The following TMX4 variants were observed in gnomAD, a reference collection of about 807,000 sequenced individuals.
The protein encoded by TMX4 is thioredoxin related transmembrane protein 4, also known as thioredoxin-related transmembrane protein 4.
In TMX4, 23 loss-of-function variants were observed where a neutral mutation model predicts 33.3. The ratio of observed to expected loss-of-function variants is 0.69; its 90% CI spans 0.50 to 0.98. TMX4 has a LOEUF of 0.98. Among genes scored for constraint, TMX4 ranks in the 50% least tolerant of loss-of-function variants. The probability of loss-of-function intolerance (pLI) is 0.00; values close to 1 mark genes in which losing one functional copy is unlikely to be tolerated. For missense variants in TMX4, 399 were observed against 448.9 expected (o/e 0.89, Z 1.01); for synonymous variants, 164 against 161.5 (o/e 1.02, Z -0.12).
intron 1 of TMX4, among the ~76,000 whole-genome samples, chr20:8,012,039 T>A (rs982184149): frequency 6.6e-6 from 1 of 152,138 alleles, no homozygotes; most frequent in African/African-American, 2.4e-5. Context: ...GAAAATAAGT[T>A]ATTTTCTATG....
intron 1 of TMX4, among the ~76,000 whole-genome samples, chr20:8,017,644 T>C (rs1248890098): frequency 1.3e-5 from 2 of 152,160 alleles, no homozygotes; most frequent in African/African-American, 2.4e-5. Flanking sequence ...TACATACATA[T>C]GCAAACTCAG....
chr20:8,018,507 A>T lies in TMX4; in HGVS notation c.176+931T>A. Among the ~76,000 whole-genome samples, 4 of 51,304 alleles carry T rather than the reference A, an allele frequency of 7.8e-5. 1 individual carries two copies. The African/African-American group carries it at 9.1e-4, about 12-fold the overall frequency. The allele number at this position is 51,304 out of a possible 152,430, so 33.7% of individuals were successfully genotyped here. A position where few individuals can be genotyped will look rare whatever the true frequency, so the allele number is the denominator to read the frequency against. On this transcript the variant is annotated intron_variant, in intron 1 of 7. Transcript: ENST00000246024. The stretch of plus-strand genomic sequence containing the variant: ...GAGAGAGAGAGAGAGAGAGAGAGAG[A>T]GAGAGAGAGAGAGAGAGAGAGTCTG...
At chr20:7,997,619 A>T (rs936920513) in intron 4 of TMX4, among the ~76,000 whole-genome samples, 1 of 152,190 alleles carries the variant, frequency 6.6e-6, no homozygotes, top group African/African-American at 2.4e-5. Flanking sequence ...AACTAAAATT[A>T]GTTTATACAC....
chr20:8,004,253 T>G (rs2050718648), intron 2 of TMX4, among the ~76,000 whole-genome samples: 1 of 152,156 alleles, frequency 6.6e-6, no homozygotes, highest in African/African-American at 2.4e-5. Flanking sequence ...AAATTTTCAT[T>G]ACCTGAAAAT....
intron 5 of TMX4, among the ~76,000 whole-genome samples, chr20:7,990,795 C>T (rs1245352980): frequency 6.6e-6 from 1 of 152,176 alleles, no homozygotes; most frequent in Non-Finnish European, 1.5e-5. Flanking sequence ...AATATCTTCC[C>T]TGCAAGGAAA....
intron 1 of TMX4, among the ~76,000 whole-genome samples, chr20:8,011,976 T>TTGC (rs1210526535): frequency 2.0e-5 from 3 of 152,156 alleles, no homozygotes; most frequent in African/African-American, 7.2e-5. Flanking sequence ...CAATAAATGT[T>TTGC]TGCTGAATAA....
chr20:7,989,022 G>GAAA (rs796396431), intron 5 of TMX4, among the ~76,000 whole-genome samples: 3 of 97,690 alleles, frequency 3.1e-5, no homozygotes, highest in African/African-American at 1.1e-4. Flanking sequence ...TCCGTCTCAA[G>GAAA]AAAAAAAAAA....
chr20:8,012,555 GA>G (rs2122880873), intron 1 of TMX4, among the ~76,000 whole-genome samples: 1 of 152,178 alleles, frequency 6.6e-6, no homozygotes, highest in East Asian at 1.9e-4. Flanking sequence ...TTCAGAGGGA[GA>G]AAGAAGTTAT....
In TMX4 at chr20:7,981,342, A is replaced by G. The variant is rs2050605008; in HGVS notation, c.*909T>C. 1 of 152,232 alleles carries G rather than the reference A, an allele frequency of 6.6e-6. No individual in the cohort carries two copies. The highest frequency in any genetic ancestry group is 2.4e-5 in the African/African-American group (1 of 41,472). The allele number at this position is 152,232 out of a possible 1,614,324, so 9.4% of individuals were successfully genotyped here. On this transcript the variant is annotated 3_prime_UTR_variant, in exon 8 of 8. Coordinates refer to ENST00000246024, the MANE Select transcript of TMX4 (RefSeq NM_021156.4). ...CTTCACAAGACTACCTTGTACTGGC[A>G]AGACTTAGAGGACTTCTGGCTTGAA... is the stretch of plus-strand genomic sequence containing the variant.
chr20:7,992,185 A>G lies in TMX4; in HGVS notation c.513+3841T>C, dbSNP rs113825246. Among the ~76,000 whole-genome samples the G allele has an allele frequency of 8.2e-3, 1,254 of 152,338 alleles. 15 individuals are homozygous for G. Among genetic ancestry groups the G allele is most frequent in the African/African-American group, 0.027 (1,140 of 41,570 alleles). The stretch of plus-strand genomic sequence containing the variant: ...AAATTGGATATTGCTACTATAATAT[A>G]AAATCAAAATCAATTTTGTCCTTTG... On this transcript the variant is annotated intron_variant, in intron 5 of 7. Transcript: ENST00000246024.
At chr20:8,001,820 C>A (rs2050708814) in intron 2 of TMX4, among the ~76,000 whole-genome samples, 1 of 152,136 alleles carries the variant, frequency 6.6e-6, no homozygotes, top group Admixed American at 6.6e-5. Flanking sequence ...TACCGACTTA[C>A]CCATTTATTA....
At chr20:8,004,767 ATTG>A (rs1198108333) in intron 2 of TMX4, among the ~76,000 whole-genome samples, 1 of 152,222 alleles carries the variant, frequency 6.6e-6, no homozygotes, top group Non-Finnish European at 1.5e-5. Context: ...TCTATTAGCC[ATTG>A]TTGTACTATT....
chr20:7,996,092 A>G (rs368960922), intron 4 of TMX4, 21 bp from the exon 5 acceptor site: 175 of 1,602,890 alleles, frequency 1.1e-4, no homozygotes, highest in Non-Finnish European at 2.2e-5. Flanking sequence ...AATAAAGAGA[A>G]GAAACAGTGA....
At position 7,982,574 on chromosome 20, in the gene TMX4, C is replaced by T. The variant is rs778922788; in HGVS notation, c.727G>A (p.Asp243Asn). ...EEAHRAEQLQDAEEEKDDSNE... is the reference protein window; with the variant it reads ...EEAHRAEQLQNAEEEKDDSNE... Reference sequence around the variant, plus strand: ...GAATCATCTTTTTCCTCCTCCGCATCCTGCAACTGTTCAGCTCTATGAGCC... The same window carrying T: ...GAATCATCTTTTTCCTCCTCCGCATTCTGCAACTGTTCAGCTCTATGAGCC... The change falls in exon 8 of 8, where the codon GAT becomes AAT. Residue 243 changes from aspartate to asparagine, a missense_variant. By Grantham distance (23) the Asp-to-Asn change is conservative. Coordinates refer to ENST00000246024, the MANE Select transcript of TMX4 (RefSeq NM_021156.4). The T allele has an allele frequency of 8.0e-5, 129 of 1,613,594 alleles. No individual in the cohort carries two copies. Among genetic ancestry groups the T allele is most frequent in the Non-Finnish European group, 9.7e-5 (114 of 1,179,992 alleles).
chr20:7,983,973 G>T, intron 6 of TMX4, 116 bp from the exon 7 acceptor site: 1 of 663,660 alleles, frequency 1.5e-6, no homozygotes, highest in Non-Finnish European at 2.6e-6. Context: ...TTAGCAGCTA[G>T]TCAAAAGTCT....
intron 4 of TMX4, among the ~76,000 whole-genome samples, chr20:7,997,519 A>C (rs2050681618): frequency 1.3e-5 from 2 of 152,076 alleles, no homozygotes; most frequent in Admixed American, 6.6e-5. Context: ...AAAAAAAAAA[A>C]ACAACTTTCT....
chr20:7,982,251 CT>C lies in TMX4; in HGVS notation c.1049del (p.Ter350=). ...TATTCTTGAAAACGCATCATTAAAT[CT>C]ACAGTCCCTTGTCAGCATGCTGACT... ...RKSQHADKGL[*>X] On this transcript the variant is annotated frameshift_variant and stop_lost, in exon 8 of 8. Transcript: ENST00000246024. LOFTEE classifies it high-confidence loss of function. 1 of 1,612,050 alleles carries C rather than the reference CT, an allele frequency of 6.2e-7. No homozygotes were observed. The highest frequency in any genetic ancestry group is 1.3e-5 in the African/African-American group (1 of 75,012).
intron 5 of TMX4, among the ~76,000 whole-genome samples, chr20:7,995,378 C>G (rs2122862466): frequency 6.6e-6 from 1 of 152,334 alleles, no homozygotes; most frequent in Non-Finnish European, 1.5e-5. Context: ...ACATACTCAA[C>G]ATTATATAAT....
At chr20:8,011,891 G>A (rs187515582) in intron 1 of TMX4, among the ~76,000 whole-genome samples, 11 of 152,204 alleles carry the variant, frequency 7.2e-5, no homozygotes, top group African/African-American at 2.6e-4. Flanking sequence ...TGACATCTTT[G>A]AATGTAGATT....
Sources: allele counts gnomAD v4.1 joint callset (sites outside exome capture counted in the v4.1 genomes callset), GRCh38; gene constraint gnomAD v4.1.1; transcripts MANE v1.5; gene names NCBI Gene and HGNC (gene_info 2026-07-23, HGNC 2026-07-21).